The following POLQ variants were observed in gnomAD, a reference collection of about 807,000 sequenced individuals.
POLQ encodes DNA polymerase theta, also known as epididymis secretory sperm binding protein.
Under a neutral mutation model 259.2 loss-of-function variants are expected in POLQ, and 233 were observed. The ratio of observed to expected loss-of-function variants is 0.90; its 90% CI spans 0.81 to 1.00. The LOEUF (loss-of-function observed/expected upper bound fraction) is 1.00, where lower values mean the gene tolerates loss of function less well. Among genes scored for constraint, POLQ ranks in the 50% least tolerant of loss-of-function variants. POLQ has a pLI of 0.00. For missense variants in POLQ, 2,871 were observed against 3,051.6 expected (o/e 0.94, Z 1.39); for synonymous variants, 1,025 against 1,048.8 (o/e 0.98, Z 0.44).
intron 12 of POLQ, among the ~76,000 whole-genome samples, chr3:121,500,159 G>A (rs1449535254): frequency 6.6e-6 from 1 of 151,988 alleles, no homozygotes; most frequent in South Asian, 2.1e-4. Flanking sequence ...GCACATGCCT[G>A]TGGTCCCAGC....
At chr3:121,501,807 G>A (rs913746451) in intron 12 of POLQ, among the ~76,000 whole-genome samples, 8 of 151,046 alleles carry the variant, frequency 5.3e-5, no homozygotes, top group South Asian at 2.1e-4. Flanking sequence ...TCAACATGGC[G>A]AAACCCTGTC....
Position 121,450,164 on chromosome 3 carries a change from G to A in POLQ, c.7153-738C>T, listed in dbSNP as rs190306075. Among the ~76,000 whole-genome samples, 6 of 152,226 alleles carry A rather than the reference G, an allele frequency of 3.9e-5. No homozygotes were observed. The East Asian group carries it at 1.2e-3, about 29-fold the overall frequency. ...GAAGACAGTAATATCTGCATCATGGGATTGTTAGGTTTAAATGAGTTATTA... is the reference window on the plus strand; with the variant it reads ...GAAGACAGTAATATCTGCATCATGGAATTGTTAGGTTTAAATGAGTTATTA... On this transcript the variant is annotated intron_variant, in intron 25 of 29. Transcript: ENST00000264233.
intron 26 of POLQ, among the ~76,000 whole-genome samples, chr3:121,445,354 TTGG>T (rs2047623998): frequency 6.6e-6 from 1 of 152,212 alleles, no homozygotes; most frequent in Non-Finnish European, 1.5e-5. Context: ...TGGTTCAATC[TTGG>T]CAGGTTGTAT....
chr3:121,456,287 GC>G (rs1365823341), intron 25 of POLQ, among the ~76,000 whole-genome samples: 2 of 151,948 alleles, frequency 1.3e-5, no homozygotes, highest in Admixed American at 6.6e-5. Context: ...CACTGAACGG[GC>G]AAAAACTGGA....
At position 121,490,425 on chromosome 3, in the gene POLQ, G is replaced by T. The variant is rs777436944; in HGVS notation, c.2523-17C>A. 4.4e-6 allele frequency: 7 copies of T among 1,590,672 alleles called. No homozygotes were observed. In the East Asian group the frequency reaches 1.6e-4, roughly 36 times the overall value. On this transcript the variant is annotated splice_polypyrimidine_tract_variant and intron_variant, in intron 15 of 29. Transcript: ENST00000264233. ...TTCCGGGCACTACACAAGGAGATGG[G>T]AAAAGACAGAAATGAATTCATTCAT...
At chr3:121,447,171 C>CG (rs1553799022) in intron 26 of POLQ, among the ~76,000 whole-genome samples, 1 of 127,468 alleles carries the variant, frequency 7.8e-6, no homozygotes, top group Non-Finnish European at 1.6e-5. Flanking sequence ...TCTTATAACC[C>CG]TTTTTTTTTT....
Position 121,490,336 on chromosome 3 carries a change from A to T in POLQ, c.2595T>A (p.Thr865=), listed in dbSNP as rs1353228582. ...ERRNMRTIWV[T]GRKGLTEREA... is the part of the protein sequence containing the mutation. Reference sequence around the variant, plus strand: ...CCCTTTCAGTTAAACCTTTTCTGCCAGTCACCCAGATAGTTCGCATATTGC... The same window carrying T: ...CCCTTTCAGTTAAACCTTTTCTGCCTGTCACCCAGATAGTTCGCATATTGC... Residue 865 remains threonine, a synonymous_variant, in exon 16 of 30, where the codon ACT becomes ACA. Coordinates refer to ENST00000264233, the MANE Select transcript of POLQ (RefSeq NM_199420.4). The T allele has an allele frequency of 6.2e-7, 1 of 1,614,238 alleles. No homozygotes were observed. The highest frequency in any genetic ancestry group is 1.1e-5 in the South Asian group (1 of 91,084).
At chr3:121,482,614 G>C (rs1395914646) in intron 18 of POLQ, among the ~76,000 whole-genome samples, 1 of 151,944 alleles carries the variant, frequency 6.6e-6, no homozygotes. Flanking sequence ...CAGAATGGGG[G>C]GGGTCTGTCA....
At chr3:121,472,941 G>A (rs1490832738) in intron 21 of POLQ, among the ~76,000 whole-genome samples, 2 of 152,174 alleles carry the variant, frequency 1.3e-5, no homozygotes, top group African/African-American at 4.8e-5. Context: ...TCTTAAATCA[G>A]GGCCTGGTGC....
intron 9 of POLQ, among the ~76,000 whole-genome samples, chr3:121,514,974 C>G (rs2048284425): frequency 6.6e-6 from 1 of 152,102 alleles, no homozygotes; most frequent in Non-Finnish European, 1.5e-5. Context: ...TTCTGCCAAA[C>G]CTGGGATTTT....
chr3:121,542,118 A>G (rs2048494519), intron 2 of POLQ, among the ~76,000 whole-genome samples: 1 of 151,748 alleles, frequency 6.6e-6, no homozygotes, highest in Non-Finnish European at 1.5e-5. Context: ...CCTGGGCGAC[A>G]GTGAGAGACT....
chr3:121,514,220 T>C (rs2048277702), intron 9 of POLQ, among the ~76,000 whole-genome samples: 3 of 149,972 alleles, frequency 2.0e-5, no homozygotes. Context: ...TCCAGCTACT[T>C]GGGAGGCTGA....
At chr3:121,456,784 A>C (rs1360922699) in intron 25 of POLQ, among the ~76,000 whole-genome samples, 2 of 152,232 alleles carry the variant, frequency 1.3e-5, no homozygotes, top group African/African-American at 4.8e-5. Context: ...GGAAGAATCA[A>C]TATCGTGAAA....
chr3:121,467,442 C>G, intron 24 of POLQ, 77 bp downstream of exon 24: 1 of 1,424,372 alleles, frequency 7.0e-7, no homozygotes, highest in Non-Finnish European at 9.8e-7. Flanking sequence ...AAGTCTCACT[C>G]ATATTTCAGG....
intron 8 of POLQ, among the ~76,000 whole-genome samples, chr3:121,520,628 G>C (rs909967785): frequency 1.3e-5 from 2 of 152,170 alleles, no homozygotes; most frequent in African/African-American, 4.8e-5. Flanking sequence ...TCCTGTTCCT[G>C]TGGAAAACAG....
chr3:121,505,881 G>A (rs2048204582), intron 12 of POLQ, among the ~76,000 whole-genome samples: 1 of 151,282 alleles, frequency 6.6e-6, no homozygotes, highest in African/African-American at 2.4e-5. Context: ...AATTAGCCAG[G>A]TGTGATGGCG....
chr3:121,498,503 C>T lies in POLQ; in HGVS notation c.2127G>A (p.Gln709=), dbSNP rs1278508432. ...TTTTATGGATGGCCATTTGTCGATG[C>T]TGTCTCTCAGTTCTGGCTACTACTT... The part of the protein sequence containing the change: ...KGKVVARTER[Q]HRQMAIHKRF... The change falls in exon 13 of 30, where the codon CAG becomes CAA. Residue 709 remains glutamine, a synonymous_variant. Coordinates refer to ENST00000264233, the MANE Select transcript of POLQ (RefSeq NM_199420.4). The T allele has an allele frequency of 5.0e-6, 8 of 1,613,888 alleles. No individual in the cohort carries two copies. Among genetic ancestry groups the T allele is most frequent in the Non-Finnish European group, 8.5e-7 (1 of 1,179,912 alleles).
intron 12 of POLQ, among the ~76,000 whole-genome samples, chr3:121,501,992 A>G (rs2048174492): frequency 6.9e-6 from 1 of 145,224 alleles, no homozygotes; most frequent in South Asian, 2.1e-4. Context: ...TCTGTCTCCA[A>G]AAAAAAAAAA....
chr3:121,481,444 G>GA lies in POLQ; in HGVS notation c.6211+127dup, dbSNP rs112066878. 44 of 842,314 alleles carry GA rather than the reference G, an allele frequency of 5.2e-5. No homozygotes were observed. The African/African-American group carries it at 6.8e-4, about 13-fold the overall frequency. 52.2% of individuals were successfully genotyped at this position (842,314 alleles called of 1,614,324 possible). A position where few individuals can be genotyped will look rare whatever the true frequency, so the allele number is the denominator to read the frequency against. ...AATATTTACTCTCTGGCCTTTTACA[G>GA]AAAAAAAGCACTAGACAATCCAAAG... On this transcript the variant is annotated intron_variant, in intron 19 of 29. Coordinates refer to ENST00000264233, the MANE Select transcript of POLQ (RefSeq NM_199420.4).
Sources: gnomAD v4.1 joint callset for allele counts (sites outside exome capture counted in the v4.1 genomes callset) on GRCh38, gnomAD v4.1.1 for gene constraint, MANE v1.5 for transcripts, NCBI Gene and HGNC (gene_info 2026-07-23, HGNC 2026-07-21) for gene names.